ATRNL1: variants seen among roughly 807,000 people sequenced by gnomAD.
ATRNL1 encodes attractin like 1, also known as attractin-like protein 1.
ATRNL1 carries 95 observed loss-of-function variants against 182.7 expected under a neutral mutation model. That is an observed-to-expected ratio of 0.52 (90% CI 0.44 to 0.62). ATRNL1 has a LOEUF of 0.62. ATRNL1 is among the 20% of genes least tolerant of loss of function. The pLI is 0.00. For missense variants in ATRNL1, 1,471 were observed against 1,679.5 expected (o/e 0.88, Z 2.17); for synonymous variants, 576 against 568.3 (o/e 1.01, Z -0.19).
chr10:115,151,228 T>G (rs1846212242), intron 5 of ATRNL1, among the ~76,000 whole-genome samples: 1 of 152,184 alleles, frequency 6.6e-6, no homozygotes. Context: ...ATCCTTTGGG[T>G]ATATACCCAG....
intron 19 of ATRNL1, among the ~76,000 whole-genome samples, chr10:115,374,455 T>C (rs56209085): frequency 7.1e-5 from 6 of 84,662 alleles, no homozygotes; most frequent in Non-Finnish European, 1.9e-4. Flanking sequence ...TTCCTTCCTT[T>C]CCTTCCTTCC....
intron 20 of ATRNL1, among the ~76,000 whole-genome samples, chr10:115,396,403 C>G (rs1554955599): frequency 6.6e-6 from 1 of 151,878 alleles, no homozygotes; most frequent in East Asian, 1.9e-4. Flanking sequence ...TATACAGGTT[C>G]CCACACTTAC....
At chr10:115,186,883 T>C (rs1291512638) in intron 8 of ATRNL1, among the ~76,000 whole-genome samples, 4 of 152,160 alleles carry the variant, frequency 2.6e-5, no homozygotes, top group African/African-American at 9.7e-5. Flanking sequence ...GTGATTATTA[T>C]GCATTGTGTG....
intron 28 of ATRNL1, among the ~76,000 whole-genome samples, chr10:115,916,612 C>T (rs549111994): frequency 6.6e-6 from 1 of 152,312 alleles, no homozygotes; most frequent in South Asian, 2.1e-4. Flanking sequence ...TATTTTTGTA[C>T]TCATTTCCAT....
At chr10:115,383,229 A>G (rs1858130650) in intron 19 of ATRNL1, among the ~76,000 whole-genome samples, 1 of 151,562 alleles carries the variant, frequency 6.6e-6, no homozygotes, top group Middle Eastern at 3.4e-3. Context: ...CCACTGGATC[A>G]TGGTGGGAAT....
At chr10:115,854,190 A>G (rs1236990296) in intron 28 of ATRNL1, among the ~76,000 whole-genome samples, 5 of 152,208 alleles carry the variant, frequency 3.3e-5, no homozygotes, top group African/African-American at 7.2e-5. Context: ...AAACAGATGG[A>G]CAATTGCTAA....
chr10:115,681,041 A>T (rs1946030178), intron 26 of ATRNL1, among the ~76,000 whole-genome samples: 1 of 152,132 alleles, frequency 6.6e-6, no homozygotes, highest in Non-Finnish European at 1.5e-5. Context: ...CAGTCTATGA[A>T]TAATATCCTT....
rs546704916 is a variant in ATRNL1, at chr10:115,501,861, T to G, written c.3655-17402T>G. Among the ~76,000 whole-genome samples the G allele has an allele frequency of 2.0e-5, 3 of 152,244 alleles. No homozygotes were observed. In the South Asian group the frequency reaches 6.2e-4, roughly 32 times the overall value. On this transcript the variant is annotated intron_variant, in intron 24 of 28. Transcript: ENST00000355044. ...TTGACATTTATGAACATATCAGCTC[T>G]CCCTGTGTCCTGAAATTTTTTCCTC...
intron 7 of ATRNL1, among the ~76,000 whole-genome samples, 195 bp from the exon 8 acceptor site, chr10:115,170,842 C>G (rs1554885341): frequency 6.6e-6 from 1 of 151,684 alleles, no homozygotes; most frequent in Non-Finnish European, 1.5e-5. Context: ...TTGCTGTTTC[C>G]CCCCCTTTTT....
chr10:115,154,136 G>A (rs1033471432), intron 5 of ATRNL1, among the ~76,000 whole-genome samples: 9 of 151,384 alleles, frequency 5.9e-5, no homozygotes, highest in African/African-American at 9.7e-5. Flanking sequence ...CCAACTATGC[G>A]GTCAATTTTG....
At chr10:115,580,268 G>GC (rs1189527222) in intron 26 of ATRNL1, among the ~76,000 whole-genome samples, 2 of 152,056 alleles carry the variant, frequency 1.3e-5, no homozygotes, top group African/African-American at 4.8e-5. Flanking sequence ...ACTTCCTACA[G>GC]CATTTCTCAT....
chr10:115,915,409 A>G (rs569364096), intron 28 of ATRNL1, among the ~76,000 whole-genome samples: 1 of 152,184 alleles, frequency 6.6e-6, no homozygotes, highest in Non-Finnish European at 1.5e-5. Context: ...AAAAAAAAAA[A>G]AATTTTTTTT....
chr10:115,702,795 T>A (rs1396600529), intron 26 of ATRNL1, among the ~76,000 whole-genome samples: 1 of 151,700 alleles, frequency 6.6e-6, no homozygotes, highest in Non-Finnish European at 1.5e-5. Context: ...CATAGATGAC[T>A]AATGAAAAAC....
At chr10:115,532,047 T>G (rs1449586964) in intron 25 of ATRNL1, among the ~76,000 whole-genome samples, 5 of 151,178 alleles carry the variant, frequency 3.3e-5, no homozygotes, top group South Asian at 4.3e-4. Flanking sequence ...TAGTATAGTT[T>G]GAAGTCAGGT....
At chr10:115,406,645 T>A (rs1844842377) in intron 20 of ATRNL1, among the ~76,000 whole-genome samples, 1 of 152,164 alleles carries the variant, frequency 6.6e-6, no homozygotes, top group Non-Finnish European at 1.5e-5. Context: ...AAGTTTCATC[T>A]CTTTAATCAC....
At chr10:115,448,382 A>G (rs1425186093) in intron 21 of ATRNL1, among the ~76,000 whole-genome samples, 16 of 152,192 alleles carry the variant, frequency 1.1e-4, no homozygotes, top group Non-Finnish European at 2.2e-4. Flanking sequence ...CAGGACAAAG[A>G]AAATTGCTCA....
chr10:115,124,224 A>C (rs1191760426), intron 3 of ATRNL1, among the ~76,000 whole-genome samples: 1 of 151,918 alleles, frequency 6.6e-6, no homozygotes, highest in Admixed American at 6.6e-5. Context: ...GGTGCTCCCC[A>C]CCTACTCTGA....
At chr10:115,633,775 C>T (rs941381747) in intron 26 of ATRNL1, among the ~76,000 whole-genome samples, 3 of 152,062 alleles carry the variant, frequency 2.0e-5, no homozygotes, top group African/African-American at 7.2e-5. Context: ...GTCCTTTGGT[C>T]ATAGATTATT....
intron 10 of ATRNL1, among the ~76,000 whole-genome samples, chr10:115,257,316 A>G (rs1273299031): frequency 1.3e-5 from 2 of 152,154 alleles, no homozygotes; most frequent in African/African-American, 2.4e-5. Context: ...GTGCTCCTGT[A>G]TTGGGTGCAT....
Sources: allele counts gnomAD v4.1 joint callset (sites outside exome capture counted in the v4.1 genomes callset), GRCh38; gene constraint gnomAD v4.1.1; transcripts MANE v1.5; gene names NCBI Gene and HGNC (gene_info 2026-07-23, HGNC 2026-07-21).